YBX3: variants seen among roughly 807,000 people sequenced by gnomAD.
YBX3 encodes Y-box-binding protein 3.
A neutral mutation model predicts 42.4 loss-of-function variants in YBX3; 29 were observed. The observed-to-expected ratio is 0.68, with a 90% CI of 0.51 to 0.93. The LOEUF (loss-of-function observed/expected upper bound fraction) is 0.93. Among genes scored for constraint, YBX3 ranks in the 40% least tolerant of loss-of-function variants. The probability of loss-of-function intolerance (pLI) is 0.00; values close to 1 mark genes in which losing one functional copy is unlikely to be tolerated. For synonymous variants in YBX3, 195 were observed against 189.8 expected (o/e 1.03, Z -0.22); for missense variants, 517 against 527.5 (o/e 0.98, Z 0.19).
chr12:10,709,124 G>C (rs983393046), intron 6 of YBX3, among the ~76,000 whole-genome samples: 1 of 152,074 alleles, frequency 6.6e-6, no homozygotes, highest in African/African-American at 2.4e-5. Flanking sequence ...GGGTAGCAAA[G>C]AACAGACTGA....
intron 3 of YBX3, 65 bp downstream of exon 3, chr12:10,718,023 G>A: frequency 7.1e-7 from 1 of 1,404,714 alleles, no homozygotes; most frequent in Admixed American, 2.0e-5. Flanking sequence ...TTTTGGGAAA[G>A]GGCTGACAGA....
chr12:10,705,274 T>C (rs1047462126), intron 6 of YBX3, among the ~76,000 whole-genome samples: 1 of 152,178 alleles, frequency 6.6e-6, no homozygotes, highest in Admixed American at 6.5e-5. Flanking sequence ...TTTGTATTTT[T>C]AGTACAGACG....
chr12:10,713,334 C>A lies in YBX3; in HGVS notation c.451-1G>T. ...CAGTCACATTGGCAGCTTCTGCACC[C>A]TGAGAAGAAAATAAAAAGATGGCCT... On this transcript the variant is annotated splice_acceptor_variant, in intron 4 of 9. Coordinates refer to ENST00000228251, the MANE Select transcript of YBX3 (RefSeq NM_003651.5). LOFTEE classifies it high-confidence loss of function. 2 of 1,609,440 alleles carry A rather than the reference C, an allele frequency of 1.2e-6. No homozygotes were observed. Among genetic ancestry groups the A allele is most frequent in the South Asian group, 2.2e-5 (2 of 90,388 alleles).
At position 10,722,905 on chromosome 12, in the gene YBX3, G is replaced by A. The variant is rs1055377194; in HGVS notation, c.207C>T (p.Ala69=). The change falls in exon 1 of 10, where the codon GCC becomes GCT. Residue 69 remains alanine (A), a synonymous_variant. Transcript: ENST00000228251. ...CGGCGGCGGTGGCTAAAGAGGCGGC[G>A]GCCGCGGTGCCCGTGGCTGCGGGGG... The part of the protein sequence containing the change: ...DAAPAATGTA[A]AASLATAAGS... 1.9e-5 allele frequency: 28 copies of A among 1,438,662 alleles called. No individual in the cohort carries two copies. Among genetic ancestry groups the A allele is most frequent in the Non-Finnish European group, 2.6e-5 (28 of 1,095,982 alleles). The allele number at this position is 1,438,662 out of a possible 1,614,324, so 89.1% of individuals were successfully genotyped here. A position where few individuals can be genotyped will look rare whatever the true frequency, so the allele number is the denominator to read the frequency against.
At chr12:10,721,202 C>G (rs1177162459) in intron 1 of YBX3, among the ~76,000 whole-genome samples, 1 of 152,178 alleles carries the variant, frequency 6.6e-6, no homozygotes, top group Non-Finnish European at 1.5e-5. Context: ...GTAGAAAGGG[C>G]TGTCCTTCAT....
chr12:10,706,965 C>T (rs1055705169), intron 6 of YBX3, among the ~76,000 whole-genome samples: 1 of 151,808 alleles, frequency 6.6e-6, no homozygotes, highest in Non-Finnish European at 1.5e-5. Flanking sequence ...TGCAGTGAGC[C>T]GAGATCGTGT....
At chr12:10,717,516 C>G (rs1009845926) in intron 3 of YBX3, among the ~76,000 whole-genome samples, 1 of 152,220 alleles carries the variant, frequency 6.6e-6, no homozygotes, top group African/African-American at 2.4e-5. Flanking sequence ...AGCTCCATAT[C>G]TTACCCATTT....
chr12:10,702,321 G>C, intron 7 of YBX3, 187 bp from the exon 8 acceptor site: 1 of 410,658 alleles, frequency 2.4e-6, no homozygotes, highest in African/African-American at 2.1e-5. Context: ...AGGAGTTTGA[G>C]ACCAGCCTGG....
intron 6 of YBX3, 43 bp from the exon 7 acceptor site, chr12:10,704,191 G>C (rs1463565019): frequency 6.5e-7 from 1 of 1,544,560 alleles, no homozygotes; most frequent in Admixed American, 1.7e-5. Context: ...CACAGCACAG[G>C]GGATAAGATA....
intron 6 of YBX3, among the ~76,000 whole-genome samples, chr12:10,704,863 T>C (rs1948120272): frequency 1.3e-5 from 2 of 152,238 alleles, no homozygotes; most frequent in Non-Finnish European, 2.9e-5. Flanking sequence ...CCCTTCACTA[T>C]GTTTTCACCT....
intron 7 of YBX3, chr12:10,702,694 T>C (rs906189109): frequency 6.6e-6 from 1 of 152,168 alleles, no homozygotes; most frequent in African/African-American, 2.4e-5. Context: ...CATACTCTGT[T>C]CCTATCAGGC....
chr12:10,710,700 G>T, intron 5 of YBX3: 2 of 636,062 alleles, frequency 3.1e-6, no homozygotes, highest in Non-Finnish European at 5.1e-6. Flanking sequence ...TCTCCCAAAG[G>T]CTACAATGAC....
At chr12:10,717,212 A>G (rs968944284) in intron 3 of YBX3, among the ~76,000 whole-genome samples, 3 of 152,168 alleles carry the variant, frequency 2.0e-5, no homozygotes, top group African/African-American at 7.2e-5. Flanking sequence ...CAATACACAC[A>G]CAAACCTAAA....
At chr12:10,715,543 TAAA>T in intron 4 of YBX3, 148 bp downstream of exon 4, 14 of 595,228 alleles carry the variant, frequency 2.4e-5, no homozygotes, top group Middle Eastern at 2.7e-4. Context: ...GACCCCATCT[TAAA>T]AAAAAAAAAA....
intron 6 of YBX3, among the ~76,000 whole-genome samples, chr12:10,706,844 C>T (rs547820311): frequency 6.6e-6 from 1 of 152,186 alleles, no homozygotes; most frequent in East Asian, 1.9e-4. Flanking sequence ...AGTGAAACCT[C>T]GTTTCTACTA....
Position 10,713,303 on chromosome 12 carries a change from C to G in YBX3, c.481G>C (p.Asp161His), listed in dbSNP as rs752894154. The G allele has an allele frequency of 7.4e-5, 120 of 1,613,906 alleles. No individual in the cohort carries two copies. The highest frequency in any genetic ancestry group is 3.3e-4 in the Middle Eastern group (2 of 6,082). The change falls in exon 5 of 10, where the codon GAT becomes CAT. Residue 161 changes from aspartate to histidine, a missense_variant. Asp to His is a moderately conservative substitution (Grantham distance 81). This residue lies in a region of YBX3 where 420 missense variants were observed against 408.5 expected (regional missense o/e 1.03). Coordinates refer to ENST00000228251, the MANE Select transcript of YBX3 (RefSeq NM_003651.5). ...CGACTCCCTTCCACAGGAACTCCAT[C>G]CGGGCCAGTCACATTGGCAGCTTCT... ...GAEAANVTGP[D>H]GVPVEGSRYA...
At chr12:10,714,464 G>A (rs948170392) in intron 4 of YBX3, among the ~76,000 whole-genome samples, 2 of 152,110 alleles carry the variant, frequency 1.3e-5, no homozygotes, top group African/African-American at 4.8e-5. Flanking sequence ...TTACAGACAC[G>A]GAATTAAATA....
intron 6 of YBX3, among the ~76,000 whole-genome samples, chr12:10,706,517 C>T (rs529600958): frequency 9.2e-5 from 14 of 152,332 alleles, no homozygotes; most frequent in African/African-American, 2.9e-4. Context: ...TTAATCTCTA[C>T]TTATCAACAA....
At chr12:10,705,902 CACA>C (rs1253030067) in intron 6 of YBX3, among the ~76,000 whole-genome samples, 3 of 152,098 alleles carry the variant, frequency 2.0e-5, no homozygotes, top group Middle Eastern at 3.2e-3. Flanking sequence ...CGCTTTCTGG[CACA>C]ACAAGATGTT....
Sources: gnomAD v4.1 joint callset for allele counts (sites outside exome capture counted in the v4.1 genomes callset) on GRCh38, gnomAD v4.1.1 for gene constraint, gnomAD v4.1.1 regional missense constraint, MANE v1.5 for transcripts, NCBI Gene and HGNC (gene_info 2026-07-23, HGNC 2026-07-21) for gene names.